Variants in PLPPR5 observed in about 807,000 individuals in gnomAD.
PLPPR5 encodes phospholipid phosphatase-related protein type 5.
Under a neutral mutation model 33.9 loss-of-function variants are expected in PLPPR5, and 16 were observed. The ratio of observed to expected loss-of-function variants is 0.47; its 90% CI spans 0.32 to 0.72. The LOEUF (loss-of-function observed/expected upper bound fraction) is 0.72, where lower values mean the gene tolerates loss of function less well. Among genes scored for constraint, PLPPR5 ranks in the 30% least tolerant of loss-of-function variants. The pLI, the probability that PLPPR5 is intolerant of heterozygous loss-of-function variation, is 0.03. For missense variants in PLPPR5, 301 were observed against 406.7 expected, an observed-to-expected ratio of 0.74 and a Z score of 2.23; for synonymous variants, 163 against 150.3, an observed-to-expected ratio of 1.08 and a Z score of -0.62.
chr1:98,893,222 A>G, intron 5 of PLPPR5, 118 bp from the exon 6 acceptor site: 1 of 835,218 alleles, frequency 1.2e-6, no homozygotes, highest in Non-Finnish European at 1.8e-6. Context: ...GTTGCAAAAC[A>G]TCCAGCATTA....
At chr1:98,969,923 A>G (rs1651601445) in intron 1 of PLPPR5, among the ~76,000 whole-genome samples, 1 of 152,030 alleles carries the variant, frequency 6.6e-6, no homozygotes, top group Non-Finnish European at 1.5e-5. Context: ...CCTTTTCAAG[A>G]AAATAGGCTT....
rs1570753177 is a variant in PLPPR5 at position 98,981,668 on chromosome 1, A to C, written c.237+22767T>G. ...AGACTTGTCCAAGAAACACTTGGTA[A>C]ATGTTTTTAATAACTATATGAAGGA... is the stretch of plus-strand genomic sequence containing the variant. On this transcript the variant is annotated intron_variant, in intron 1 of 5. Transcript: ENST00000263177. Among the ~76,000 whole-genome samples, 3 of 152,178 alleles carry C rather than the reference A, an allele frequency of 2.0e-5. No individual in the cohort carries two copies. The Middle Eastern group carries it at 0.01, about 518-fold the overall frequency.
At chr1:98,997,876 A>G (rs1652683677) in intron 1 of PLPPR5, among the ~76,000 whole-genome samples, 1 of 152,216 alleles carries the variant, frequency 6.6e-6, no homozygotes. Flanking sequence ...GTAGGAAGAA[A>G]TAAGTCAATA....
At chr1:98,963,796 C>T (rs1651334058) in intron 1 of PLPPR5, among the ~76,000 whole-genome samples, 1 of 152,198 alleles carries the variant, frequency 6.6e-6, no homozygotes, top group Non-Finnish European at 1.5e-5. Flanking sequence ...GACTCCTCTG[C>T]TGTCCAGGTA....
At chr1:98,984,347 C>T (rs1652177288) in intron 1 of PLPPR5, among the ~76,000 whole-genome samples, 2 of 152,012 alleles carry the variant, frequency 1.3e-5, no homozygotes, top group Non-Finnish European at 2.9e-5. Flanking sequence ...AAATGGGATC[C>T]TTAATTTCTA....
chr1:98,923,506 A>G (rs1450761620), intron 3 of PLPPR5, among the ~76,000 whole-genome samples: 1 of 152,116 alleles, frequency 6.6e-6, no homozygotes, highest in Non-Finnish European at 1.5e-5. Context: ...TATGAAATCC[A>G]GTAATTATCT....
chr1:98,948,244 T>C (rs1302025058), intron 3 of PLPPR5, among the ~76,000 whole-genome samples: 4 of 152,108 alleles, frequency 2.6e-5, no homozygotes, highest in Non-Finnish European at 5.9e-5. Context: ...GTGGGTTGTG[T>C]TTATTTAACC....
In PLPPR5 at chr1:98,931,442, G is replaced by A. The variant is rs309053; in HGVS notation, c.622-9384C>T. ...ACACAGAAAGGTTAAGTAACTTATC[G>A]ATGGACTTAAGGCTAAAAGGTGATG... On this transcript the variant is annotated intron_variant, in intron 3 of 5. Transcript: ENST00000263177. Among the ~76,000 whole-genome samples the A allele has an allele frequency of 2.5e-3, 373 of 152,218 alleles. 1 individual carries two copies. The highest frequency in any genetic ancestry group is 8.5e-3 in the African/African-American group (352 of 41,534).
At chr1:99,000,987 C>T (rs1454077845) in intron 1 of PLPPR5, among the ~76,000 whole-genome samples, 1 of 152,026 alleles carries the variant, frequency 6.6e-6, no homozygotes, top group Non-Finnish European at 1.5e-5. Context: ...ATGTAGTGAA[C>T]TCTTATGGAG....
At chr1:98,943,720 T>A (rs1191380908) in intron 3 of PLPPR5, among the ~76,000 whole-genome samples, 1 of 152,212 alleles carries the variant, frequency 6.6e-6, no homozygotes, top group East Asian at 1.9e-4. Flanking sequence ...ATAGTGAAGA[T>A]TTAATGTCAC....
At chr1:98,932,713 C>A (rs2101178858) in intron 3 of PLPPR5, among the ~76,000 whole-genome samples, 1 of 152,288 alleles carries the variant, frequency 6.6e-6, no homozygotes, top group East Asian at 1.9e-4. Context: ...TCTCTACTTC[C>A]CCTCTAGCCT....
At chr1:98,955,244 G>A (rs1385483865) in intron 2 of PLPPR5, among the ~76,000 whole-genome samples, 1 of 152,050 alleles carries the variant, frequency 6.6e-6, no homozygotes, top group Non-Finnish European at 1.5e-5. Context: ...AATCATATAA[G>A]AAGAAGCATG....
chr1:98,970,367 A>G (rs1202545704), intron 1 of PLPPR5, among the ~76,000 whole-genome samples: 1 of 152,062 alleles, frequency 6.6e-6, no homozygotes, highest in Non-Finnish European at 1.5e-5. Flanking sequence ...GAAAAGGTGC[A>G]ATTATAATTT....
chr1:98,999,616 G>A (rs974931526), intron 1 of PLPPR5, among the ~76,000 whole-genome samples: 5 of 152,186 alleles, frequency 3.3e-5, no homozygotes, highest in East Asian at 1.9e-4. Context: ...ACCACACCAC[G>A]GGAATGTTCC....
At chr1:98,897,356 C>A (rs1266026513) in intron 5 of PLPPR5, among the ~76,000 whole-genome samples, 1 of 152,174 alleles carries the variant, frequency 6.6e-6, no homozygotes, top group East Asian at 1.9e-4. Context: ...GAATTTTCTT[C>A]TTGACCATTC....
rs75920711 is a variant in PLPPR5, at chr1:99,002,413, C to G, written c.237+2022G>C. On this transcript the variant is annotated intron_variant, in intron 1 of 5. Transcript: ENST00000263177. ...CAAGCTCTTTGGAAGCAATGTAAGT[C>G]GCATGGCATTCAGGCATCCGTCCTA... Among the ~76,000 whole-genome samples the G allele has an allele frequency of 6.5e-3, 983 of 152,322 alleles. 17 individuals are homozygous for G. The highest frequency in any genetic ancestry group is 0.023 in the African/African-American group (955 of 41,558).
intron 1 of PLPPR5, among the ~76,000 whole-genome samples, chr1:98,974,391 T>C (rs1570747342): frequency 6.6e-6 from 1 of 152,172 alleles, no homozygotes; most frequent in South Asian, 2.1e-4. Flanking sequence ...CAGAAAACTT[T>C]GTTAGTTAAG....
chr1:98,914,687 A>C (rs140005297), intron 5 of PLPPR5, 99 bp downstream of exon 5: 2 of 1,092,248 alleles, frequency 1.8e-6, no homozygotes, highest in Admixed American at 5.3e-5. Flanking sequence ...ACACTAAGTA[A>C]ATCAACATAA....
chr1:98,935,052 T>C (rs1464158209), intron 3 of PLPPR5, among the ~76,000 whole-genome samples: 2 of 152,280 alleles, frequency 1.3e-5, no homozygotes, highest in South Asian at 2.1e-4. Flanking sequence ...GGAGCCTCTA[T>C]GGAGTTGGGG....
Sources: allele counts gnomAD v4.1 joint callset (sites outside exome capture counted in the v4.1 genomes callset), GRCh38; gene constraint gnomAD v4.1.1; transcripts MANE v1.5; gene names NCBI Gene and HGNC (gene_info 2026-07-23, HGNC 2026-07-21).